CSMD2: variants seen among roughly 807,000 people sequenced by gnomAD.
The protein encoded by CSMD2 is CUB and Sushi multiple domains 2.
A neutral mutation model predicts 398.5 loss-of-function variants in CSMD2; 130 were observed. The ratio of observed to expected loss-of-function variants is 0.33; its 90% CI spans 0.28 to 0.38. The LOEUF is 0.38. CSMD2 is among the 10% of genes least tolerant of loss of function. The pLI, the probability that CSMD2 is intolerant of heterozygous loss-of-function variation, is 1.00. For synonymous variants in CSMD2, 1,828 were observed against 1,908.5 expected, an observed-to-expected ratio of 0.96 and a Z score of 1.10; for missense variants, 3,829 against 4,764.9, an observed-to-expected ratio of 0.80 and a Z score of 5.78.
chr1:33,717,980 C>T (rs1475323771), intron 19 of CSMD2, among the ~76,000 whole-genome samples: 1 of 152,164 alleles, frequency 6.6e-6, no homozygotes, highest in Admixed American at 6.5e-5. Context: ...CTATAGTCAG[C>T]CCCTGTCCCT....
chr1:33,793,644 G>C (rs1236744558), intron 10 of CSMD2, among the ~76,000 whole-genome samples: 1 of 152,080 alleles, frequency 6.6e-6, no homozygotes, highest in Non-Finnish European at 1.5e-5. Flanking sequence ...GGGACGCATA[G>C]GTGTTTGAGA....
At chr1:33,839,050 A>T (rs1411071378) in intron 6 of CSMD2, 2 of 152,300 alleles carry the variant, frequency 1.3e-5, no homozygotes, top group African/African-American at 4.8e-5. Flanking sequence ...GGAGACAAAC[A>T]AATCAGCAAT....
intron 49 of CSMD2, among the ~76,000 whole-genome samples, chr1:33,573,361 G>A (rs1444967836): frequency 2.0e-5 from 3 of 152,022 alleles, no homozygotes; most frequent in African/African-American, 4.8e-5. Flanking sequence ...GACAAACCAA[G>A]ATAAAGTTTA....
At chr1:34,077,425 C>A (rs1459295703) in intron 2 of CSMD2, among the ~76,000 whole-genome samples, 1 of 127,298 alleles carries the variant, frequency 7.9e-6, no homozygotes, top group African/African-American at 3.1e-5. Flanking sequence ...CCACTGCAAT[C>A]CGGCCTGGGC....
chr1:34,058,198 G>A (rs1271385325), intron 2 of CSMD2, among the ~76,000 whole-genome samples: 2 of 152,128 alleles, frequency 1.3e-5, no homozygotes, highest in Non-Finnish European at 2.9e-5. Flanking sequence ...GTGCACTTCA[G>A]ACTCCAGCTC....
At chr1:33,788,533 A>T in intron 12 of CSMD2, 67 bp downstream of exon 12, 1 of 816,338 alleles carries the variant, frequency 1.2e-6, no homozygotes, top group Non-Finnish European at 2.0e-6. Context: ...AAAAATTCTG[A>T]CTGCAAATCC....
At chr1:33,648,288 G>A (rs1643567536) in intron 28 of CSMD2, among the ~76,000 whole-genome samples, 1 of 151,852 alleles carries the variant, frequency 6.6e-6, no homozygotes, top group African/African-American at 2.4e-5. Context: ...CATGAACCCG[G>A]GAGGTGGAGT....
chr1:33,972,701 T>C (rs1645817245), intron 3 of CSMD2, among the ~76,000 whole-genome samples: 1 of 152,198 alleles, frequency 6.6e-6, no homozygotes, highest in African/African-American at 2.4e-5. Context: ...GAATCGGCCC[T>C]GCCAACACCT....
rs1354734404 is a variant in CSMD2 at position 33,633,548 on chromosome 1, C to T, written c.5087-13G>A. 2.6e-6 allele frequency: 4 copies of T among 1,546,146 alleles called. No homozygotes were observed. Among genetic ancestry groups the T allele is most frequent in the South Asian group, 1.2e-5 (1 of 83,938 alleles). On this transcript the variant is annotated splice_polypyrimidine_tract_variant and intron_variant, in intron 31 of 70. Transcript: ENST00000373381. The surrounding 1 kb of genome is among the most constrained non-coding windows in gnomAD (Gnocchi z 5.0). ...TGGCCAAACACCACTGTGGAGGAGA[C>T]ACAGTGTGGGGACTGGGCAGGCACG...
chr1:33,896,878 A>ACC (rs1323004414), intron 5 of CSMD2, among the ~76,000 whole-genome samples: 75 of 152,130 alleles, frequency 4.9e-4, no homozygotes, highest in African/African-American at 1.7e-3. Context: ...AGCAGAGGGG[A>ACC]AAGCACGTGC....
At chr1:33,868,388 A>G (rs1305633607) in intron 5 of CSMD2, among the ~76,000 whole-genome samples, 1 of 152,202 alleles carries the variant, frequency 6.6e-6, no homozygotes, top group Non-Finnish European at 1.5e-5. Flanking sequence ...GGTGCTGGGA[A>G]TACAACAAGG....
chr1:33,593,479 C>T lies in CSMD2; in HGVS notation c.6857-6311G>A, dbSNP rs115230942. ...ATGGTGGAAGTTGAAAGGCATGTCT[C>T]ACATGGTGGCAGACAAGACAAGACA... is the stretch of plus-strand genomic sequence containing the variant. On this transcript the variant is annotated intron_variant, in intron 44 of 70. Transcript: ENST00000373381. Among the ~76,000 whole-genome samples, 564 of 152,316 alleles carry T rather than the reference C, an allele frequency of 3.7e-3. 2 individuals carry two copies. Among genetic ancestry groups the T allele is most frequent in the African/African-American group, 0.013 (548 of 41,568 alleles).
intron 25 of CSMD2, among the ~76,000 whole-genome samples, chr1:33,669,828 A>G (rs1196450521): frequency 2.6e-5 from 4 of 152,288 alleles, no homozygotes; most frequent in African/African-American, 9.6e-5. Flanking sequence ...GAGACACAGG[A>G]GAGACACAGG....
chr1:33,726,584 C>T lies in CSMD2; in HGVS notation c.2470G>A (p.Ala824Thr). The change falls in exon 16 of 71, where the codon GCC (alanine) becomes ACC (threonine). Residue 824 changes from alanine to threonine, a missense_variant. By Grantham distance (58) the Ala-to-Thr change is moderately conservative. This residue lies in a region of CSMD2 where 2,001 missense variants were observed against 2,567.1 expected (regional missense o/e 0.78). Transcript: ENST00000373381. Reference protein sequence around the residue: ...DALSCAWVIEAQPGYPIKITF... With the variant: ...DALSCAWVIETQPGYPIKITF... The stretch of plus-strand genomic sequence containing the variant: ...ATTTTGATGGGGTAGCCTGGCTGGG[C>T]CTCAATCACCCAGGCACAGCTCAAG... The T allele has an allele frequency of 2.5e-6, 4 of 1,613,182 alleles. No individual in the cohort carries two copies. In the African/African-American group the frequency reaches 4.0e-5, roughly 16 times the overall value.
intron 5 of CSMD2, among the ~76,000 whole-genome samples, chr1:33,885,935 T>C (rs1641561407): frequency 1.3e-5 from 2 of 152,042 alleles, no homozygotes; most frequent in Non-Finnish European, 2.9e-5. Flanking sequence ...TCCTCATGTG[T>C]CAAAGGGGAA....
chr1:33,816,154 G>A (rs1365890727), intron 9 of CSMD2, among the ~76,000 whole-genome samples: 1 of 152,090 alleles, frequency 6.6e-6, no homozygotes, highest in East Asian at 1.9e-4. Flanking sequence ...CTTTAACTTA[G>A]GTCTCTAAGT....
At chr1:33,684,649 C>A (rs1645008749) in intron 25 of CSMD2, among the ~76,000 whole-genome samples, 1 of 152,222 alleles carries the variant, frequency 6.6e-6, no homozygotes, top group Admixed American at 6.5e-5. Flanking sequence ...TCATATCCCC[C>A]CTAGACAATG....
intron 1 of CSMD2, among the ~76,000 whole-genome samples, chr1:34,161,658 C>G (rs905247684): frequency 6.6e-6 from 1 of 152,168 alleles, no homozygotes; most frequent in Non-Finnish European, 1.5e-5. Context: ...CATTGGTGCT[C>G]TCTTCTAGAG....
chr1:33,812,850 G>T (rs1020127333), intron 9 of CSMD2: 2 of 152,192 alleles, frequency 1.3e-5, no homozygotes, highest in Non-Finnish European at 2.9e-5. Flanking sequence ...TCTATGCCCA[G>T]GATTTCTCTC....
Sources: allele counts gnomAD v4.1 joint callset (sites outside exome capture counted in the v4.1 genomes callset), GRCh38; gene constraint gnomAD v4.1.1; regional missense constraint gnomAD v4.1.1; non-coding constraint Gnocchi (gnomAD v3.1); transcripts MANE v1.5; gene names NCBI Gene and HGNC (gene_info 2026-07-23, HGNC 2026-07-21).